BAZ2B: variants seen among roughly 807,000 people sequenced by gnomAD.
BAZ2B encodes the protein bromodomain adjacent to zinc finger domain 2B.
In BAZ2B, 91 loss-of-function variants were observed where a neutral mutation model predicts 246.0. The observed-to-expected ratio is 0.37, with a 90% CI of 0.31 to 0.44. The LOEUF (loss-of-function observed/expected upper bound fraction) is 0.44, where lower values mean the gene tolerates loss of function less well. BAZ2B is among the 20% of genes least tolerant of loss of function. The pLI is 1.00. For synonymous variants in BAZ2B, 855 were observed against 860.0 expected, an observed-to-expected ratio of 0.99 and a Z score of 0.10; for missense variants, 2,332 against 2,533.7, an observed-to-expected ratio of 0.92 and a Z score of 1.71.
At chr2:159,385,079 T>C (rs1316036122) in intron 23 of BAZ2B, 76 bp downstream of exon 23, 46 of 1,441,188 alleles carry the variant, frequency 3.2e-5, no homozygotes, top group Non-Finnish European at 4.2e-5. Flanking sequence ...CAATTTTCTA[T>C]AATCAATTTG....
At chr2:159,565,792 AGG>A (rs1559789632) in intron 1 of BAZ2B, among the ~76,000 whole-genome samples, 2 of 142,224 alleles carry the variant, frequency 1.4e-5, no homozygotes, top group Admixed American at 7.2e-5. Flanking sequence ...AAAAAAAAAA[AGG>A]AAAAAAAAAA....
At chr2:159,397,463 T>C (rs2064206605) in intron 18 of BAZ2B, 74 bp from the exon 19 acceptor site, 2 of 961,644 alleles carry the variant, frequency 2.1e-6, no homozygotes, top group Admixed American at 5.5e-5. Flanking sequence ...TAAAAGTTCC[T>C]TTTCTGAGAT....
chr2:159,391,630 T>C lies in BAZ2B; in HGVS notation c.3076-2145A>G, dbSNP rs879723802. On this transcript the variant is annotated intron_variant, in intron 20 of 36. Coordinates refer to ENST00000392783, the MANE Select transcript of BAZ2B (RefSeq NM_013450.4). ...ATCCTGGAGGTACATACATACTCAA[T>C]AGACACACGGACAAGCTAGATAGAG... 2.6e-5 allele frequency among the ~76,000 whole-genome samples: 4 copies of C among 152,100 alleles called. 1 individual carries two copies. Among genetic ancestry groups the C allele is most frequent in the South Asian group, 4.1e-4 (2 of 4,826 alleles).
upstream of BAZ2B, chr2:159,616,686 C>T (rs1235947170): frequency 6.6e-6 from 1 of 152,146 alleles, no homozygotes; most frequent in African/African-American, 2.4e-5. Flanking sequence ...CTAAAGGAGC[C>T]AAGGGAGGGG....
the BAZ2B span, among the ~76,000 whole-genome samples, chr2:159,633,595 G>A: frequency 6.6e-6 from 1 of 152,056 alleles, no homozygotes; most frequent in African/African-American, 2.4e-5. Context: ...CACTAAAATG[G>A]TCTTTTTTAG....
intron 20 of BAZ2B, among the ~76,000 whole-genome samples, chr2:159,391,092 G>A: frequency 6.6e-6 from 1 of 152,084 alleles, no homozygotes. Context: ...CCCATGAACT[G>A]TTGCTCTAAG....
intron 8 of BAZ2B, chr2:159,437,742 C>T (rs1193755073): frequency 6.6e-6 from 1 of 152,340 alleles, no homozygotes; most frequent in African/African-American, 2.4e-5. Flanking sequence ...CATGGTGAAA[C>T]CCCATCTTTA....
chr2:159,412,318 C>CTAATAATCATAAGAA lies in BAZ2B; in HGVS notation c.2677+16_2677+17insTTCTTATGATTATTA. ...TTTTAGTATGATTATTAGTGTCAGA[C>CTAATAATCATAAGAA]ACATTATGTTTCTTACCTTGAGCTT... On this transcript the variant is annotated intron_variant, in intron 14 of 36. Coordinates refer to ENST00000392783, the MANE Select transcript of BAZ2B (RefSeq NM_013450.4). 6.2e-7 allele frequency: 1 copy of CTAATAATCATAAGAA among 1,610,128 alleles called. No individual in the cohort carries two copies. Among genetic ancestry groups the CTAATAATCATAAGAA allele is most frequent in the Non-Finnish European group, 8.5e-7 (1 of 1,176,470 alleles).
intron 13 of BAZ2B, among the ~76,000 whole-genome samples, chr2:159,420,717 A>T (rs937185490): frequency 5.3e-5 from 8 of 152,202 alleles, no homozygotes; most frequent in African/African-American, 1.9e-4. Flanking sequence ...TTAGTGTTAT[A>T]TTTAGGTAAA....
At chr2:159,445,408 C>T (rs1446925318) in intron 6 of BAZ2B, among the ~76,000 whole-genome samples, 1 of 152,016 alleles carries the variant, frequency 6.6e-6, no homozygotes, top group African/African-American at 2.4e-5. Context: ...ATAAAGATAA[C>T]CTTTGAAAAG....
intron 34 of BAZ2B, among the ~76,000 whole-genome samples, chr2:159,328,070 G>GAAAAAAAAAA (rs1306873341): frequency 2.0e-5 from 1 of 49,526 alleles, no homozygotes; most frequent in African/African-American, 6.3e-5. Context: ...GCCTCAAAAC[G>GAAAAAAAAAA]AAAAAAAAAA....
intron 33 of BAZ2B, 79 bp downstream of exon 33, chr2:159,336,863 T>G: frequency 8.0e-7 from 1 of 1,250,856 alleles, no homozygotes; most frequent in Non-Finnish European, 1.1e-6. Context: ...AGGTAATGTA[T>G]AATTAAGAAA....
intron 8 of BAZ2B, chr2:159,434,352 G>A (rs1212416560): frequency 1.3e-5 from 2 of 151,930 alleles, no homozygotes; most frequent in Non-Finnish European, 2.9e-5. Flanking sequence ...GTGGAGATGG[G>A]GTTGCACCAT....
In BAZ2B at chr2:159,478,704, G is replaced by T; in HGVS notation, c.16C>A (p.Arg6=). 6.3e-7 allele frequency: 1 copy of T among 1,590,928 alleles called. No individual in the cohort carries two copies. The highest frequency in any genetic ancestry group is 8.6e-7 in the Non-Finnish European group (1 of 1,168,670). MESGE[R]LPSSAASSTT... ...GAGGAGGCTGCTGAGGATGGTAACC[G>T]TTCTCCAGACTCCATATCTATGAGA... The change falls in exon 3 of 37, where the codon CGG becomes AGG. Residue 6 remains arginine (R), a synonymous_variant. Coordinates refer to ENST00000392783, the MANE Select transcript of BAZ2B (RefSeq NM_013450.4).
chr2:159,703,363 G>A, the BAZ2B span, among the ~76,000 whole-genome samples: 1 of 151,956 alleles, frequency 6.6e-6, no homozygotes, highest in South Asian at 2.1e-4. Context: ...CAACATGCTG[G>A]GATTATAGGA....
chr2:159,431,850 A>G (rs1487177119), intron 9 of BAZ2B, among the ~76,000 whole-genome samples: 2 of 152,182 alleles, frequency 1.3e-5, no homozygotes, highest in African/African-American at 4.8e-5. Flanking sequence ...CTCATAGTTC[A>G]CGGTACAATA....
intron 1 of BAZ2B, among the ~76,000 whole-genome samples, chr2:159,566,602 T>C (rs1682657944): frequency 6.6e-6 from 1 of 152,222 alleles, no homozygotes; most frequent in Non-Finnish European, 1.5e-5. Context: ...ATCATTTACA[T>C]AAATTTTCAT....
At chr2:159,458,947 C>G (rs570619623) in intron 3 of BAZ2B, 1 of 152,104 alleles carries the variant, frequency 6.6e-6, no homozygotes, top group Non-Finnish European at 1.5e-5. Context: ...TAATCTGAAA[C>G]ACAATAAGAA....
At chr2:159,412,903 A>T (rs2067052743) in intron 13 of BAZ2B, among the ~76,000 whole-genome samples, 1 of 152,240 alleles carries the variant, frequency 6.6e-6, no homozygotes, top group South Asian at 2.1e-4. Flanking sequence ...GATTGCTCTT[A>T]TGGGTTATCA....
Sources: allele counts gnomAD v4.1 joint callset (sites outside exome capture counted in the v4.1 genomes callset), GRCh38; gene constraint gnomAD v4.1.1; transcripts MANE v1.5; gene names NCBI Gene and HGNC (gene_info 2026-07-23, HGNC 2026-07-21).